The following COL24A1 variants were observed in gnomAD, a reference collection of about 807,000 sequenced individuals.
COL24A1 encodes collagen alpha-1(XXIV) chain.
COL24A1 carries 224 observed loss-of-function variants against 253.9 expected under a neutral mutation model. The observed-to-expected ratio is 0.88, with a 90% confidence interval of 0.79 to 0.99. The LOEUF is 0.99. COL24A1 is among the 50% of genes least tolerant of loss of function. The probability of loss-of-function intolerance (pLI) is 0.00; values close to 1 mark genes in which losing one functional copy is unlikely to be tolerated. For synonymous variants in COL24A1, 685 were observed against 673.7 expected, an observed-to-expected ratio of 1.02 and a Z score of -0.26; for missense variants, 2,131 against 2,068.5, an observed-to-expected ratio of 1.03 and a Z score of -0.59.
rs1389728459 is a variant in COL24A1, at chr1:85,940,359, G to C, written c.2562+20890C>G. On this transcript the variant is annotated intron_variant, in intron 24 of 59. Transcript: ENST00000370571. Reference sequence around the variant, plus strand: ...GCGGAGCTTGCAGTGAGCCGAGATCGCGCCACTGCACTCCAGCCTGGGCGA... The same window carrying C: ...GCGGAGCTTGCAGTGAGCCGAGATCCCGCCACTGCACTCCAGCCTGGGCGA... Among the ~76,000 whole-genome samples, 2 of 13,330 alleles carry C rather than the reference G, an allele frequency of 1.5e-4. 1 individual carries two copies. Among genetic ancestry groups the C allele is most frequent in the Non-Finnish European group, 3.4e-4 (2 of 5,960 alleles). The allele number at this position is 13,330 out of a possible 152,430, so 8.7% of individuals were successfully genotyped here. A position where few individuals can be genotyped will look rare whatever the true frequency, so the allele number is the denominator to read the frequency against.
intron 1 of COL24A1, among the ~76,000 whole-genome samples, chr1:86,151,055 T>C (rs1028512822): frequency 1.3e-5 from 2 of 152,140 alleles, no homozygotes; most frequent in African/African-American, 4.8e-5. Context: ...TGTGTGTGTG[T>C]GTATACACAT....
chr1:85,991,051 C>T (rs1694211506), intron 19 of COL24A1, among the ~76,000 whole-genome samples: 2 of 152,198 alleles, frequency 1.3e-5, no homozygotes, highest in African/African-American at 4.8e-5. Context: ...TCAACTATTA[C>T]TAACATCACA....
intron 37 of COL24A1, among the ~76,000 whole-genome samples, chr1:85,853,587 A>G (rs1570924470): frequency 6.6e-6 from 1 of 152,344 alleles, no homozygotes; most frequent in Non-Finnish European, 1.5e-5. Flanking sequence ...CATTCCCACT[A>G]GCAGTGTATA....
chr1:85,893,463 TAGA>T (rs1683337041), intron 31 of COL24A1, among the ~76,000 whole-genome samples: 1 of 152,132 alleles, frequency 6.6e-6, no homozygotes, highest in African/African-American at 2.4e-5. Flanking sequence ...CACAAACTGA[TAGA>T]CTATCTAGAT....
chr1:85,898,858 G>C (rs986189479), intron 28 of COL24A1, among the ~76,000 whole-genome samples: 2 of 152,154 alleles, frequency 1.3e-5, no homozygotes, highest in African/African-American at 4.8e-5. Context: ...CAGATAGGGT[G>C]GCCTGAAAAG....
intron 48 of COL24A1, 128 bp downstream of exon 48, chr1:85,786,226 G>A (rs769612773): frequency 1.2e-4 from 81 of 691,024 alleles, no homozygotes; most frequent in Non-Finnish European, 1.7e-4. Context: ...TTTTCCTAAC[G>A]TGCTTTTACT....
At chr1:85,807,606 C>G (rs1672114886) in intron 47 of COL24A1, among the ~76,000 whole-genome samples, 1 of 152,088 alleles carries the variant, frequency 6.6e-6, no homozygotes, top group African/African-American at 2.4e-5. Flanking sequence ...AATTGTAGGT[C>G]TTATAGATAT....
chr1:85,765,964 T>C (rs1387097529), intron 53 of COL24A1, among the ~76,000 whole-genome samples: 1 of 152,188 alleles, frequency 6.6e-6, no homozygotes, highest in African/African-American at 2.4e-5. Context: ...AGGATTTATT[T>C]GGCAGTAACA....
At chr1:86,080,362 G>A (rs763079768) in intron 7 of COL24A1, among the ~76,000 whole-genome samples, 6 of 152,156 alleles carry the variant, frequency 3.9e-5, no homozygotes, top group Admixed American at 6.5e-5. Context: ...ATAAAACCTA[G>A]TATTTGCTAG....
At chr1:85,877,522 A>G (rs1191661446) in intron 32 of COL24A1, among the ~76,000 whole-genome samples, 5 of 151,996 alleles carry the variant, frequency 3.3e-5, no homozygotes, top group Non-Finnish European at 4.4e-5. Context: ...GCCACCACGC[A>G]TGGCTAATTT....
intron 52 of COL24A1, among the ~76,000 whole-genome samples, chr1:85,778,831 T>C (rs1422928732): frequency 6.6e-6 from 1 of 152,140 alleles, no homozygotes; most frequent in Non-Finnish European, 1.5e-5. Flanking sequence ...CTTGAACTCC[T>C]GACCTCAGGT....
Position 85,971,347 on chromosome 1 carries a change from C to T in COL24A1, c.2411G>A (p.Gly804Glu). Residue 804 changes from glycine to glutamate, a missense_variant, in exon 21 of 60, where the codon GGA becomes GAA. Gly to Glu is a moderately conservative substitution (Grantham distance 98). Transcript: ENST00000370571. ...RGPPGPPGLKGTQGEEGPIGA... is the reference protein window; with the variant it reads ...RGPPGPPGLKETQGEEGPIGA... Reference sequence around the variant, plus strand: ...ATATCACTTCTTCCATACCTGAGTTCCTTTGAGACCAGGAGGTCCAGGAGG... The same window carrying T: ...ATATCACTTCTTCCATACCTGAGTTTCTTTGAGACCAGGAGGTCCAGGAGG... The T allele has an allele frequency of 1.9e-6, 3 of 1,612,408 alleles. No individual in the cohort carries two copies. The highest frequency in any genetic ancestry group is 2.5e-6 in the Non-Finnish European group (3 of 1,179,288).
At chr1:85,762,977 G>C (rs140456715) in intron 53 of COL24A1, among the ~76,000 whole-genome samples, 48 of 152,068 alleles carry the variant, frequency 3.2e-4, no homozygotes, top group Admixed American at 8.5e-4. Context: ...GATAGGGCAG[G>C]GCAACTCCAA....
chr1:86,124,837 A>C lies in COL24A1; in HGVS notation c.1491+8T>G, dbSNP rs775193973. On this transcript the variant is annotated splice_region_variant and intron_variant, in intron 3 of 59. Transcript: ENST00000370571. ...ATATTAGGAGATATTAAAAAAAAAA[A>C]AACTTACGGGAGGTCCAGTGTCTCC... 23 of 1,521,994 alleles carry C rather than the reference A, an allele frequency of 1.5e-5. No homozygotes were observed. Among genetic ancestry groups the C allele is most frequent in the Non-Finnish European group, 2.6e-6 (3 of 1,146,096 alleles). 94.3% of individuals were successfully genotyped at this position (1,521,994 alleles called of 1,614,324 possible). A position where few individuals can be genotyped will look rare whatever the true frequency, so the allele number is the denominator to read the frequency against.
At chr1:85,886,934 G>C (rs769617928) in intron 32 of COL24A1, among the ~76,000 whole-genome samples, 11 of 152,060 alleles carry the variant, frequency 7.2e-5, no homozygotes, top group Non-Finnish European at 1.5e-4. Context: ...TGCTGATATA[G>C]AGTACTCTTA....
chr1:85,970,278 A>T lies in COL24A1; in HGVS notation c.2419-7T>A. On this transcript the variant is annotated splice_region_variant and splice_polypyrimidine_tract_variant and intron_variant, in intron 21 of 59. Coordinates refer to ENST00000370571, the MANE Select transcript of COL24A1 (RefSeq NM_152890.7). ...CAATTGGTCCTTCTTCTCCCTTAAA[A>T]AAAAAAAAAGTCAGAACATATTATG... is the stretch of plus-strand genomic sequence containing the variant. 6.3e-7 allele frequency: 1 copy of T among 1,585,434 alleles called. No individual in the cohort carries two copies. The highest frequency in any genetic ancestry group is 8.6e-7 in the Non-Finnish European group (1 of 1,169,038).
chr1:86,087,616 C>T (rs1703162833), intron 7 of COL24A1, among the ~76,000 whole-genome samples: 1 of 152,148 alleles, frequency 6.6e-6, no homozygotes, highest in Admixed American at 6.5e-5. Flanking sequence ...CTGTCATGTA[C>T]AGTGTCACTG....
intron 28 of COL24A1, among the ~76,000 whole-genome samples, chr1:85,901,842 A>AAAAAAAAAAAAG (rs1558589318): frequency 1.4e-5 from 2 of 144,516 alleles, no homozygotes; most frequent in Admixed American, 7.3e-5. Flanking sequence ...AAAAAAAAAA[A>AAAAAAAAAAAAG]AAAAAAAGAA....
intron 1 of COL24A1, among the ~76,000 whole-genome samples, chr1:86,147,943 G>C (rs890480334): frequency 6.6e-6 from 1 of 152,126 alleles, no homozygotes; most frequent in Non-Finnish European, 1.5e-5. Context: ...AAGCACTTGT[G>C]AGCAATCACT....
Sources: allele counts gnomAD v4.1 joint callset (sites outside exome capture counted in the v4.1 genomes callset), GRCh38; gene constraint gnomAD v4.1.1; transcripts MANE v1.5; gene names NCBI Gene and HGNC (gene_info 2026-07-23, HGNC 2026-07-21).